The following METTL6 variants were observed in gnomAD, a reference collection of about 807,000 sequenced individuals.
The protein encoded by METTL6 is tRNA N(3)-cytidine methyltransferase METTL6.
METTL6 carries 22 observed loss-of-function variants against 26.4 expected under a neutral mutation model. The ratio of observed to expected loss-of-function variants is 0.83; its 90% CI spans 0.59 to 1.19. METTL6 has a LOEUF of 1.19. Among genes scored for constraint, METTL6 ranks in the 50% most tolerant of loss-of-function variants. The pLI, the probability that METTL6 is intolerant of heterozygous loss-of-function variation, is 0.00. For synonymous variants in METTL6, 109 were observed against 116.2 expected, an observed-to-expected ratio of 0.94 and a Z score of 0.40; for missense variants, 304 against 324.8, an observed-to-expected ratio of 0.94 and a Z score of 0.49.
chr3:15,381,810 C>A (rs2124876478), exon 7 of METTL6: 1 of 152,218 alleles, frequency 6.6e-6, no homozygotes, highest in Non-Finnish European at 1.5e-5. Flanking sequence ...ATAAATAATG[C>A]AGCTAATGAA....
At chr3:15,408,562 CTT>C (rs57787117), downstream of METTL6, among the ~76,000 whole-genome samples, 47 of 116,228 alleles carry the variant, frequency 4.0e-4, no homozygotes, top group Non-Finnish European at 1.3e-4. Context: ...GCTCCTTGCT[CTT>C]TTTTTTTTTT....
At chr3:15,388,816 A>G (rs1322837706) in intron 6 of METTL6, among the ~76,000 whole-genome samples, 1 of 152,248 alleles carries the variant, frequency 6.6e-6, no homozygotes, top group South Asian at 2.1e-4. Context: ...CTATAAACTA[A>G]GTTTTAAATT....
chr3:15,383,733 C>G (rs1325335932), exon 7 of METTL6: 1 of 152,050 alleles, frequency 6.6e-6, no homozygotes, highest in Non-Finnish European at 1.5e-5. Flanking sequence ...TTTTGAAGGG[C>G]TAGAAAACAG....
chr3:15,407,804 A>G (rs1699841885), downstream of METTL6, among the ~76,000 whole-genome samples: 1 of 152,148 alleles, frequency 6.6e-6, no homozygotes, highest in Non-Finnish European at 1.5e-5. Flanking sequence ...ACTTGTGTTT[A>G]TTATTGGTAA....
chr3:15,415,511 T>G, intron 4 of METTL6: 1 of 1,594,534 alleles, frequency 6.3e-7, no homozygotes, highest in Non-Finnish European at 8.5e-7. Context: ...ATAGCAGGAC[T>G]CCATGGATCC....
rs923966421 is a variant in METTL6, at chr3:15,401,437, G to C, written c.*11+9808C>G. 1.1e-4 allele frequency among the ~76,000 whole-genome samples: 16 copies of C among 149,608 alleles called. No homozygotes were observed. In the Admixed American group the frequency reaches 1.1e-3, roughly 10 times the overall value. On this transcript the variant is annotated intron_variant, in intron 6 of 6. Transcript: ENST00000443029. ...GATCCACCCATCTCAGCCTCCCAAA[G>C]TGCTGGGAATACAGGCATGAGCCAT... is the stretch of plus-strand genomic sequence containing the variant.
chr3:15,414,200 AC>A (rs1700093582), intron 4 of METTL6, 38 bp from the exon 5 acceptor site: 1 of 1,579,500 alleles, frequency 6.3e-7, no homozygotes, highest in African/African-American at 1.4e-5. Flanking sequence ...ACTTTGGAGA[AC>A]CCTGTCAAAA....
intron 2 of METTL6, among the ~76,000 whole-genome samples, chr3:15,425,969 T>A (rs1407664753): frequency 6.6e-6 from 1 of 151,922 alleles, no homozygotes; most frequent in Non-Finnish European, 1.5e-5. Flanking sequence ...TGAGACAGAG[T>A]CTCGTTCTGT....
intron 3 of METTL6, among the ~76,000 whole-genome samples, chr3:15,421,160 T>C (rs1483490158): frequency 6.6e-6 from 1 of 152,226 alleles, no homozygotes; most frequent in African/African-American, 2.4e-5. Context: ...TAGGTGCATT[T>C]TTAGTAAAGT....
intron 6 of METTL6, among the ~76,000 whole-genome samples, chr3:15,396,403 C>A (rs1216393376): frequency 6.6e-6 from 1 of 152,080 alleles, no homozygotes; most frequent in Non-Finnish European, 1.5e-5. Flanking sequence ...AATCTTTTTT[C>A]AAGGTTTTTA....
Position 15,424,953 on chromosome 3 carries a change from A to G in METTL6, c.360+2T>C. Reference sequence around the variant, plus strand: ...AGCAGAATACATAGATGGTGCACCAACCTTAACATATTCAATGGCTCTTGG... The same window carrying G: ...AGCAGAATACATAGATGGTGCACCAGCCTTAACATATTCAATGGCTCTTGG... On this transcript the variant is annotated splice_donor_variant, in intron 3 of 5. Transcript: ENST00000383790. LOFTEE classifies it high-confidence loss of function. 3 of 1,614,124 alleles carry G rather than the reference A, an allele frequency of 1.9e-6. No homozygotes were observed. The highest frequency in any genetic ancestry group is 2.5e-6 in the Non-Finnish European group (3 of 1,180,010).
At chr3:15,393,120 T>C (rs1699393292) in intron 6 of METTL6, among the ~76,000 whole-genome samples, 1 of 152,252 alleles carries the variant, frequency 6.6e-6, no homozygotes, top group South Asian at 2.1e-4. Flanking sequence ...TGATTCTTCC[T>C]ACCCATGAAC....
intron 6 of METTL6, among the ~76,000 whole-genome samples, chr3:15,391,649 T>G (rs7624982): frequency 2.0e-5 from 1 of 50,516 alleles, no homozygotes; most frequent in Non-Finnish European, 3.7e-5. Context: ...CCCTCCCCCC[T>G]CCCCCCACCC....
chr3:15,419,122 A>G (rs1054540464), intron 3 of METTL6, among the ~76,000 whole-genome samples: 1 of 152,046 alleles, frequency 6.6e-6, no homozygotes, highest in Non-Finnish European at 1.5e-5. Context: ...TTGCACCACT[A>G]TACTCCAGCC....
At chr3:15,417,424 C>T (rs1219431922) in intron 3 of METTL6, among the ~76,000 whole-genome samples, 2 of 151,370 alleles carry the variant, frequency 1.3e-5, no homozygotes, top group Admixed American at 6.6e-5. Flanking sequence ...CACTGCACGC[C>T]AGCCTGCATG....
At chr3:15,417,615 A>G (rs1269226506) in intron 3 of METTL6, among the ~76,000 whole-genome samples, 1 of 152,140 alleles carries the variant, frequency 6.6e-6, no homozygotes, top group Non-Finnish European at 1.5e-5. Context: ...CAGAGTCCCA[A>G]AACAGACCTG....
intron 6 of METTL6, among the ~76,000 whole-genome samples, chr3:15,395,013 G>C (rs1412781305): frequency 1.3e-5 from 2 of 152,230 alleles, no homozygotes; most frequent in Admixed American, 1.3e-4. Flanking sequence ...ATGTCTATTA[G>C]GTCCACTTGG....
chr3:15,383,179 T>C (rs1346173185), exon 7 of METTL6: 1 of 152,200 alleles, frequency 6.6e-6, no homozygotes, highest in African/African-American at 2.4e-5. Flanking sequence ...AATCAACAGA[T>C]GCTAGAAGAA....
rs1369810196 is a variant in METTL6 at position 15,410,083 on chromosome 3, A to G, written c.*1173T>C. 6.6e-6 allele frequency among the ~76,000 whole-genome samples: 1 copy of G among 152,100 alleles called. No homozygotes were observed. Among genetic ancestry groups the G allele is most frequent in the Non-Finnish European group, 1.5e-5 (1 of 68,008 alleles). ...GTGAACAATATGGCTAAATTATGTT[A>G]TTCTATAAAACTTTGACTACTTTTC... is the stretch of plus-strand genomic sequence containing the variant. On this transcript the variant is annotated 3_prime_UTR_variant, in exon 6 of 6. Transcript: ENST00000383790.
Sources: allele counts gnomAD v4.1 joint callset (sites outside exome capture counted in the v4.1 genomes callset), GRCh38; gene constraint gnomAD v4.1.1; transcripts MANE v1.5; gene names NCBI Gene and HGNC (gene_info 2026-07-23, HGNC 2026-07-21).